Variants in DSG3 observed in about 807,000 individuals in gnomAD.
DSG3 encodes the protein desmoglein-3.
A neutral mutation model predicts 85.9 loss-of-function variants in DSG3; 63 were observed. The ratio of observed to expected loss-of-function variants is 0.73; its 90% confidence interval spans 0.60 to 0.90. The LOEUF is 0.90. Among genes scored for constraint, DSG3 ranks in the 40% least tolerant of loss-of-function variants. The pLI is 0.00. For missense variants in DSG3, 1,220 were observed against 1,219.9 expected (o/e 1.00, Z 0.00); for synonymous variants, 447 against 441.9 (o/e 1.01, Z -0.14).
intron 12 of DSG3, among the ~76,000 whole-genome samples, chr18:31,471,545 T>C (rs1326018208): frequency 3.9e-5 from 6 of 152,208 alleles, no homozygotes; most frequent in Non-Finnish European, 5.9e-5. Context: ...CAGGTGGCCT[T>C]GGCAGGGCAG....
At chr18:31,452,174 G>T (rs2072715402) in intron 1 of DSG3, among the ~76,000 whole-genome samples, 1 of 152,122 alleles carries the variant, frequency 6.6e-6, no homozygotes, top group African/African-American at 2.4e-5. Flanking sequence ...TCAAGAAAGA[G>T]AACAATCTTA....
In DSG3 at chr18:31,447,831, A is replaced by G; in HGVS notation, c.-47A>G. 2.0e-6 allele frequency: 3 copies of G among 1,524,968 alleles called. No individual in the cohort carries two copies. Among genetic ancestry groups the G allele is most frequent in the Non-Finnish European group, 2.7e-6 (3 of 1,126,108 alleles). 94.5% of individuals were successfully genotyped at this position (1,524,968 alleles called of 1,614,324 possible). On this transcript the variant is annotated 5_prime_UTR_variant, in exon 1 of 16. It adds an upstream start codon to the 5' untranslated region. Transcript: ENST00000257189. ...ATCAACTGCAGACGGCTGGCAGGATAGAAGCAGCGGCTCACTTGGACTTTT... is the reference window on the plus strand; with the variant it reads ...ATCAACTGCAGACGGCTGGCAGGATGGAAGCAGCGGCTCACTTGGACTTTT...
At position 31,466,739 on chromosome 18, in the gene DSG3, A is replaced by T; in HGVS notation, c.1621A>T (p.Ile541Phe). 5.6e-6 allele frequency: 9 copies of T among 1,614,080 alleles called. No individual in the cohort carries two copies. Among genetic ancestry groups the T allele is most frequent in the Non-Finnish European group, 7.6e-6 (9 of 1,179,960 alleles). Residue 541 changes from isoleucine (I) to phenylalanine (F), a missense_variant, in exon 11 of 16, where the codon ATC becomes TTC. Coordinates refer to ENST00000257189, the MANE Select transcript of DSG3 (RefSeq NM_001944.3). ...QPVKLPAVWS[I>F]TTLNATSALL... ...TGTAAAGTTGCCTGCCGTATGGAGTATCACAACCCTCAATGGTGAGTAACA... is the reference window on the plus strand; with the variant it reads ...TGTAAAGTTGCCTGCCGTATGGAGTTTCACAACCCTCAATGGTGAGTAACA...
chr18:31,469,814 TATTA>T lies in DSG3; in HGVS notation c.1897+479_1897+482del, dbSNP rs532097832. 1.4e-4 allele frequency among the ~76,000 whole-genome samples: 22 copies of T among 152,128 alleles called. No individual in the cohort carries two copies. The South Asian group carries it at 1.9e-3, about 13-fold the overall frequency. ...TTAAGATATCACCACATGCTATTAA[TATTA>T]ATTAATTAATTAACCCCCACTAATA... On this transcript the variant is annotated intron_variant, in intron 12 of 15. Transcript: ENST00000257189.
chr18:31,454,850 C>T (rs963759460), intron 1 of DSG3, among the ~76,000 whole-genome samples: 6 of 151,586 alleles, frequency 4.0e-5, no homozygotes, highest in African/African-American at 1.2e-4. Context: ...CAAAATTAGC[C>T]GGGTGTGGTG....
rs1254439140 is a variant in DSG3 at position 31,474,231 on chromosome 18, G to A, written c.2212G>A (p.Ala738Thr). Residue 738 changes from alanine (A) to threonine (T), a missense_variant, in exon 15 of 16, where the codon GCA (alanine) becomes ACA (threonine). Coordinates refer to ENST00000257189, the MANE Select transcript of DSG3 (RefSeq NM_001944.3). Reference sequence around the variant, plus strand: ...TGAATCTGGAGGTGCTGCAGGCTTTGCAACAGGGACAGTGTCAGGAGCTGC... The same window carrying A: ...TGAATCTGGAGGTGCTGCAGGCTTTACAACAGGGACAGTGTCAGGAGCTGC... ...ATESGGAAGF[A>T]TGTVSGAASG... The A allele has an allele frequency of 6.2e-7, 1 of 1,614,196 alleles. No individual in the cohort carries two copies. The highest frequency in any genetic ancestry group is 8.5e-7 in the Non-Finnish European group (1 of 1,180,026).
At chr18:31,462,192 C>G (rs1245465400) in intron 8 of DSG3, among the ~76,000 whole-genome samples, 2 of 152,150 alleles carry the variant, frequency 1.3e-5, no homozygotes, top group Non-Finnish European at 1.5e-5. Context: ...CCCACCTCAG[C>G]CTCCTGAGTA....
In DSG3 at chr18:31,466,817, A is replaced by G. The variant is rs1045362227; in HGVS notation, c.1636+63A>G. 9 of 1,453,194 alleles carry G rather than the reference A, an allele frequency of 6.2e-6. No individual in the cohort carries two copies. In the Admixed American group the frequency reaches 6.9e-5, roughly 11 times the overall value. The allele number at this position is 1,453,194 out of a possible 1,614,324, so 90.0% of individuals were successfully genotyped here. On this transcript the variant is annotated intron_variant, in intron 11 of 15. Transcript: ENST00000257189. ...GCTCCTTTGTATTTCCAGAAGAATAAGGAAGATCATTTAAGAGCAGGTCCT... is the reference window on the plus strand; with the variant it reads ...GCTCCTTTGTATTTCCAGAAGAATAGGGAAGATCATTTAAGAGCAGGTCCT...
In DSG3 at chr18:31,474,505, G is replaced by T. The variant is rs974425704; in HGVS notation, c.2385+101G>T. On this transcript the variant is annotated intron_variant, in intron 15 of 15. Transcript: ENST00000257189. ...GTTTTGCAGTTTTTATTTACAGCTT[G>T]TTAAAATGCAAGAAAAAAATGGTTT... 3.7e-6 allele frequency: 5 copies of T among 1,367,868 alleles called. No individual in the cohort carries two copies. The Admixed American group carries it at 9.3e-5, about 25-fold the overall frequency. The allele number at this position is 1,367,868 out of a possible 1,614,324, so 84.7% of individuals were successfully genotyped here.
chr18:31,474,110 C>A lies in DSG3; in HGVS notation c.2102-11C>A. ...CATAAGATATTACAGAATGTTCTCC[C>A]TTGTTTTTAGAAGTTTGTACAAATA... is the stretch of plus-strand genomic sequence containing the variant. On this transcript the variant is annotated splice_polypyrimidine_tract_variant and intron_variant, in intron 14 of 15. Transcript: ENST00000257189. 6.2e-7 allele frequency: 1 copy of A among 1,604,872 alleles called. No individual in the cohort carries two copies. The highest frequency in any genetic ancestry group is 8.5e-7 in the Non-Finnish European group (1 of 1,172,740).
At chr18:31,463,278 C>T (rs1294791847) in intron 8 of DSG3, among the ~76,000 whole-genome samples, 1 of 152,164 alleles carries the variant, frequency 6.6e-6, no homozygotes, top group African/African-American at 2.4e-5. Flanking sequence ...ATTATAGTTC[C>T]ATGTTTAGAC....
At chr18:31,451,612 A>G (rs1328184043) in intron 1 of DSG3, among the ~76,000 whole-genome samples, 1 of 152,216 alleles carries the variant, frequency 6.6e-6, no homozygotes, top group African/African-American at 2.4e-5. Flanking sequence ...TGATTGACCC[A>G]GTTTCCAGCA....
At chr18:31,471,387 C>A (rs2144242539) in intron 12 of DSG3, among the ~76,000 whole-genome samples, 1 of 152,256 alleles carries the variant, frequency 6.6e-6, no homozygotes, top group South Asian at 2.1e-4. Flanking sequence ...GTTAACTGAG[C>A]AAAGAAGGAT....
In DSG3 at chr18:31,460,957, C is replaced by A. The variant is rs369605824; in HGVS notation, c.809C>A (p.Ser270Tyr). The part of the protein sequence containing the change: ...VNDNFPMFRD[S>Y]QYSARIEENI... ...GATAACTTCCCAATGTTTAGAGACT[C>A]TCAGGTACACCCATTGCTCCTTAAA... The change falls in exon 7 of 16, where the codon TCT becomes TAT. Residue 270 changes from serine (S) to tyrosine (Y), a missense_variant. Ser to Tyr is a moderately radical substitution (Grantham distance 144). Transcript: ENST00000257189. 5.0e-6 allele frequency: 8 copies of A among 1,590,506 alleles called. No individual in the cohort carries two copies. The highest frequency in any genetic ancestry group is 4.5e-5 in the East Asian group (2 of 44,314).
Position 31,468,941 on chromosome 18 carries a change from T to C in DSG3, c.1637-148T>C. On this transcript the variant is annotated intron_variant, in intron 11 of 15. Coordinates refer to ENST00000257189, the MANE Select transcript of DSG3 (RefSeq NM_001944.3). ...CCTTTGTCAGATTCTGACACCTTGATATTGAGCTTCCCAACCTTCAAAACT... is the reference window on the plus strand; with the variant it reads ...CCTTTGTCAGATTCTGACACCTTGACATTGAGCTTCCCAACCTTCAAAACT... The C allele has an allele frequency of 1.1e-5, 13 of 1,154,430 alleles. No homozygotes were observed. The South Asian group carries it at 1.9e-4, about 17-fold the overall frequency. The allele number at this position is 1,154,430 out of a possible 1,614,324, so 71.5% of individuals were successfully genotyped here.
In DSG3 at chr18:31,469,453, A is replaced by G. The variant is rs962101472; in HGVS notation, c.1897+104A>G. 54 of 1,473,614 alleles carry G rather than the reference A, an allele frequency of 3.7e-5. No individual in the cohort carries two copies. The African/African-American group carries it at 6.6e-4, about 18-fold the overall frequency. 91.3% of individuals were successfully genotyped at this position (1,473,614 alleles called of 1,614,324 possible). A position where few individuals can be genotyped will look rare whatever the true frequency, so the allele number is the denominator to read the frequency against. On this transcript the variant is annotated intron_variant, in intron 12 of 15. Transcript: ENST00000257189. Reference sequence around the variant, plus strand: ...TGCAATGGGGAAAGAATATTCTCTGATGTTTTATAGGTAAAGCTAGGGGAA... The same window carrying G: ...TGCAATGGGGAAAGAATATTCTCTGGTGTTTTATAGGTAAAGCTAGGGGAA...
intron 1 of DSG3, among the ~76,000 whole-genome samples, chr18:31,449,217 T>C (rs2072696641): frequency 1.3e-5 from 2 of 152,194 alleles, no homozygotes; most frequent in African/African-American, 4.8e-5. Flanking sequence ...CTATTTCTAT[T>C]ACGACAATGT....
rs770214247 is a variant in DSG3 at position 31,459,181 on chromosome 18, A to G, written c.517+4A>G. 3.1e-6 allele frequency: 5 copies of G among 1,610,250 alleles called. No individual in the cohort carries two copies. Among genetic ancestry groups the G allele is most frequent in the Non-Finnish European group, 4.2e-6 (5 of 1,179,272 alleles). On this transcript the variant is annotated splice_donor_region_variant and intron_variant, in intron 5 of 15. Coordinates refer to ENST00000257189, the MANE Select transcript of DSG3 (RefSeq NM_001944.3). ...ATTGAAGAAAATAGTGCCTCAAGTA[A>G]GTCTTTTACAGTACTTACCACTTTC...
intron 14 of DSG3, among the ~76,000 whole-genome samples, chr18:31,473,280 T>C (rs1433437048): frequency 6.6e-6 from 1 of 152,242 alleles, no homozygotes; most frequent in Non-Finnish European, 1.5e-5. Flanking sequence ...GTTCAATTAC[T>C]AATTCCTGCA....
Sources: gnomAD v4.1 joint callset for allele counts (sites outside exome capture counted in the v4.1 genomes callset) on GRCh38, gnomAD v4.1.1 for gene constraint, MANE v1.5 for transcripts, NCBI Gene and HGNC (gene_info 2026-07-23, HGNC 2026-07-21) for gene names.